ARHGEF10: variants seen among roughly 807,000 people sequenced by gnomAD.
ARHGEF10 encodes Rho guanine nucleotide exchange factor 10.
ARHGEF10 carries 140 observed loss-of-function variants against 147.4 expected under a neutral mutation model. The ratio of observed to expected loss-of-function variants is 0.95; its 90% CI spans 0.83 to 1.09. The LOEUF is 1.09. ARHGEF10 is among the 50% of genes least tolerant of loss of function. ARHGEF10 has a pLI of 0.00. For missense variants in ARHGEF10, 2,222 were observed against 1,752.7 expected, an observed-to-expected ratio of 1.27 and a Z score of -4.78; for synonymous variants, 902 against 695.8, an observed-to-expected ratio of 1.30 and a Z score of -4.67.
At chr8:1,911,598 C>T (rs1014743245) in intron 18 of ARHGEF10, among the ~76,000 whole-genome samples, 5 of 152,200 alleles carry the variant, frequency 3.3e-5, no homozygotes, top group African/African-American at 7.2e-5. Context: ...GGGCACCGTG[C>T]TTGGTGCTGG....
At chr8:1,890,044 G>A (rs1357908277) in intron 11 of ARHGEF10, among the ~76,000 whole-genome samples, 2 of 150,036 alleles carry the variant, frequency 1.3e-5, no homozygotes, top group Admixed American at 6.6e-5. Context: ...GACACTGAGT[G>A]GGGTAAGGAG....
intron 15 of ARHGEF10, among the ~76,000 whole-genome samples, chr8:1,902,475 A>C (rs887829753): frequency 1.3e-5 from 2 of 152,320 alleles, no homozygotes; most frequent in East Asian, 3.9e-4. Flanking sequence ...TGAAACCTTA[A>C]CTGGGAGAAG....
intron 11 of ARHGEF10, 43 bp from the exon 12 acceptor site, chr8:1,893,526 T>G (rs368765486): frequency 1.5e-6 from 2 of 1,305,660 alleles, no homozygotes; most frequent in South Asian, 2.4e-5. Flanking sequence ...CTGTGTGTAT[T>G]ATAAAGCAGT....
At chr8:1,934,855 C>G (rs1166676070) in intron 26 of ARHGEF10, among the ~76,000 whole-genome samples, 1 of 152,068 alleles carries the variant, frequency 6.6e-6, no homozygotes, top group Non-Finnish European at 1.5e-5. Flanking sequence ...TAACTTTTTT[C>G]ACATTGAAAT....
At chr8:1,852,687 G>A (rs961770842) in intron 2 of ARHGEF10, among the ~76,000 whole-genome samples, 6 of 152,206 alleles carry the variant, frequency 3.9e-5, no homozygotes, top group East Asian at 1.9e-4. Context: ...GAAACGTAAT[G>A]TTTCTTAAAG....
chr8:1,892,329 T>TGTGTGTG (rs1563244763), intron 11 of ARHGEF10, among the ~76,000 whole-genome samples: 2 of 94,272 alleles, frequency 2.1e-5, no homozygotes, highest in Non-Finnish European at 4.2e-5. Flanking sequence ...GTGTGTGTGT[T>TGTGTGTG]TAATCCCAGC....
rs1303687043 is a variant in ARHGEF10, at chr8:1,923,002, T to C, written c.2182T>C (p.Leu728=). The C allele has an allele frequency of 6.2e-7, 1 of 1,613,742 alleles. No homozygotes were observed. Among genetic ancestry groups the C allele is most frequent in the Non-Finnish European group, 8.5e-7 (1 of 1,179,952 alleles). Reference sequence around the variant, plus strand: ...GGGGCCAGGACAACTGTATCAAGATTTACAAAACTTGTTGCATGACTTAAA... The same window carrying C: ...GGGGCCAGGACAACTGTATCAAGATCTACAAAACTTGTTGCATGACTTAAA... ...YMGPGQLYQD[L]QNLLHDLNVI... Residue 728 remains leucine, a synonymous_variant, in exon 19 of 29, where the codon TTA becomes CTA. Coordinates refer to ENST00000349830, the MANE Select transcript of ARHGEF10 (RefSeq NM_014629.4).
chr8:1,896,927 C>A (rs1810023851), intron 14 of ARHGEF10, among the ~76,000 whole-genome samples: 2 of 152,186 alleles, frequency 1.3e-5, no homozygotes, highest in African/African-American at 4.8e-5. Flanking sequence ...GGTCTCTGAC[C>A]TGGCAGTGAT....
rs986090362 is a variant in ARHGEF10 at position 1,868,978 on chromosome 8, C to T, written c.623-216C>T. On this transcript the variant is annotated intron_variant, in intron 6 of 28. Transcript: ENST00000349830. ...AAATTATTCTGCCCTAAAAATAATG[C>T]TTATGCTTTGGTAAGGTGCTGTTAG... Among the ~76,000 whole-genome samples the T allele has an allele frequency of 3.3e-5, 5 of 152,006 alleles. No individual in the cohort carries two copies. The South Asian group carries it at 1.0e-3, about 32-fold the overall frequency.
At chr8:1,856,933 T>G (rs1311889548) in intron 2 of ARHGEF10, among the ~76,000 whole-genome samples, 1 of 152,146 alleles carries the variant, frequency 6.6e-6, no homozygotes, top group Admixed American at 6.6e-5. Context: ...CACATGGGTC[T>G]CCTCTGGAAA....
intron 8 of ARHGEF10, 45 bp downstream of exon 8, chr8:1,876,779 C>A (rs755594564): frequency 6.2e-7 from 1 of 1,600,540 alleles, no homozygotes; most frequent in African/African-American, 1.3e-5. Flanking sequence ...CTCGCGTTAA[C>A]ACGGACAGGG....
At chr8:1,946,479 C>T (rs1226183486) in intron 27 of ARHGEF10, among the ~76,000 whole-genome samples, 1 of 152,194 alleles carries the variant, frequency 6.6e-6, no homozygotes, top group African/African-American at 2.4e-5. Context: ...CTGCTTCCTG[C>T]TTTGCAGTTG....
chr8:1,888,823 A>G (rs141461030), intron 11 of ARHGEF10, among the ~76,000 whole-genome samples: 285 of 21,840 alleles, frequency 0.013, 12 homozygotes, highest in East Asian at 0.058. Context: ...GGTGAGAGTT[A>G]TGAGGAGACA....
At position 1,929,363 on chromosome 8, in the gene ARHGEF10, T is replaced by C. The variant is rs1563300297; in HGVS notation, c.2999T>C (p.Val1000Ala). ...TTTTTCACTCCTGAGAAGTCCACAG[T>C]CATGAGCCTGGCTTGCACGTCTCAG... is the stretch of plus-strand genomic sequence containing the variant. ...QHFFTPEKST[V>A]MSLACTSQSL... The change falls in exon 25 of 29, where the codon GTC (valine) becomes GCC (alanine). Residue 1000 changes from valine to alanine, a missense_variant. Transcript: ENST00000349830. 1.2e-6 allele frequency: 2 copies of C among 1,613,760 alleles called. No individual in the cohort carries two copies. Among genetic ancestry groups the C allele is most frequent in the African/African-American group, 1.3e-5 (1 of 74,932 alleles).
At chr8:1,871,133 A>AAAAAAAAAAC (rs1807082847) in intron 7 of ARHGEF10, 1 of 151,690 alleles carries the variant, frequency 6.6e-6, no homozygotes, top group Non-Finnish European at 1.5e-5. Context: ...AAAAAAAAAA[A>AAAAAAAAAAC]ATCAGTAAAC....
chr8:1,945,715 G>A (rs1428623721), intron 27 of ARHGEF10, 60 bp downstream of exon 27: 1 of 1,604,892 alleles, frequency 6.2e-7, no homozygotes, highest in East Asian at 2.2e-5. Flanking sequence ...CGTGGGGGGT[G>A]CGGAGCGCTG....
intron 11 of ARHGEF10, among the ~76,000 whole-genome samples, chr8:1,892,386 TTTC>T (rs1396423783): frequency 1.3e-5 from 2 of 151,548 alleles, no homozygotes; most frequent in Non-Finnish European, 2.9e-5. Context: ...AATACATCAG[TTTC>T]TTCTTTGGGT....
intron 15 of ARHGEF10, among the ~76,000 whole-genome samples, chr8:1,901,041 A>C (rs981495446): frequency 6.6e-6 from 1 of 152,092 alleles, no homozygotes; most frequent in Non-Finnish European, 1.5e-5. Context: ...GGAGGGGAGC[A>C]GGGTGGGTCC....
intron 9 of ARHGEF10, among the ~76,000 whole-genome samples, chr8:1,881,185 C>T (rs954400414): frequency 3.9e-5 from 6 of 152,094 alleles, no homozygotes; most frequent in South Asian, 2.1e-4. Context: ...GGGCCCAGCA[C>T]GCTCGCTTCC....
Sources: gnomAD v4.1 joint callset for allele counts (sites outside exome capture counted in the v4.1 genomes callset) on GRCh38, gnomAD v4.1.1 for gene constraint, MANE v1.5 for transcripts, NCBI Gene and HGNC (gene_info 2026-07-23, HGNC 2026-07-21) for gene names.